SGCZ: variants seen among roughly 807,000 people sequenced by gnomAD.
SGCZ encodes the protein zeta-sarcoglycan.
Under a neutral mutation model 41.3 loss-of-function variants are expected in SGCZ, and 40 were observed. The ratio of observed to expected loss-of-function variants is 0.97; its 90% CI spans 0.75 to 1.26. SGCZ has a LOEUF of 1.26. SGCZ is among the 50% of genes most tolerant of loss of function. The probability of loss-of-function intolerance (pLI) is 0.00; values close to 1 mark genes in which losing one functional copy is unlikely to be tolerated. For missense variants in SGCZ, 552 were observed against 369.8 expected, an observed-to-expected ratio of 1.49 and a Z score of -4.04; for synonymous variants, 206 against 137.5, an observed-to-expected ratio of 1.50 and a Z score of -3.49.
At chr8:14,121,379 A>T (rs927955241) in intron 5 of SGCZ, among the ~76,000 whole-genome samples, 2 of 152,138 alleles carry the variant, frequency 1.3e-5, no homozygotes, top group Non-Finnish European at 2.9e-5. Context: ...AAGGGTGTTT[A>T]AAAAGTGACT....
intron 1 of SGCZ, among the ~76,000 whole-genome samples, chr8:15,074,413 T>C (rs1390339010): frequency 6.6e-6 from 1 of 152,166 alleles, no homozygotes; most frequent in African/African-American, 2.4e-5. Context: ...AACAGACTTT[T>C]ACAATGGGCT....
intron 2 of SGCZ, among the ~76,000 whole-genome samples, chr8:14,436,375 AT>A (rs1349501294): frequency 3.3e-5 from 5 of 152,148 alleles, no homozygotes; most frequent in Non-Finnish European, 5.9e-5. Context: ...CATGAACTTT[AT>A]TTTTTTCTGA....
At chr8:14,729,917 T>C (rs528480734) in intron 1 of SGCZ, among the ~76,000 whole-genome samples, 2 of 152,210 alleles carry the variant, frequency 1.3e-5, no homozygotes, top group South Asian at 4.1e-4. Flanking sequence ...AAACCCCATC[T>C]CTACTAAAAA....
intron 2 of SGCZ, among the ~76,000 whole-genome samples, chr8:14,349,682 C>T (rs1206796266): frequency 1.3e-5 from 2 of 152,098 alleles, no homozygotes; most frequent in African/African-American, 4.8e-5. Flanking sequence ...AAAACAAGCC[C>T]ACAGGACTCT....
intron 1 of SGCZ, among the ~76,000 whole-genome samples, chr8:14,892,941 A>G (rs933186425): frequency 2.6e-5 from 4 of 152,182 alleles, no homozygotes; most frequent in African/African-American, 9.7e-5. Context: ...AACAAAAACT[A>G]CTAAAACAAG....
intron 1 of SGCZ, among the ~76,000 whole-genome samples, chr8:14,937,524 A>G (rs1800123962): frequency 1.3e-5 from 2 of 152,114 alleles, no homozygotes; most frequent in South Asian, 4.1e-4. Flanking sequence ...TTATCAAGTT[A>G]TCTCTTTGTT....
intron 2 of SGCZ, among the ~76,000 whole-genome samples, chr8:14,453,060 A>G (rs1256984761): frequency 6.6e-6 from 1 of 152,054 alleles, no homozygotes; most frequent in African/African-American, 2.4e-5. Context: ...CCGAGATGAG[A>G]TGGTACCACT....
intron 1 of SGCZ, among the ~76,000 whole-genome samples, chr8:14,828,973 T>C (rs1802434096): frequency 6.6e-6 from 1 of 152,148 alleles, no homozygotes; most frequent in South Asian, 2.1e-4. Flanking sequence ...GTTTGTTTTC[T>C]AATCTTAAAA....
At chr8:14,309,445 T>C in intron 3 of SGCZ, 7 of 1,606,562 alleles carry the variant, frequency 4.4e-6, no homozygotes, top group Non-Finnish European at 2.6e-6. Context: ...GACAATCTTC[T>C]GATGACTGCA....
intron 1 of SGCZ, among the ~76,000 whole-genome samples, chr8:14,574,595 C>T (rs1804653622): frequency 6.6e-6 from 1 of 152,184 alleles, no homozygotes; most frequent in Non-Finnish European, 1.5e-5. Flanking sequence ...TCTCCAATCA[C>T]ATTTCTACAT....
intron 1 of SGCZ, among the ~76,000 whole-genome samples, chr8:14,920,057 T>A (rs1799546735): frequency 6.6e-6 from 1 of 152,214 alleles, no homozygotes; most frequent in South Asian, 2.1e-4. Flanking sequence ...AGGAAACTAA[T>A]GCCTGTAAAT....
intron 2 of SGCZ, among the ~76,000 whole-genome samples, chr8:14,421,731 G>A (rs941975114): frequency 6.6e-6 from 1 of 152,064 alleles, no homozygotes; most frequent in African/African-American, 2.4e-5. Context: ...CATCCCAAGC[G>A]CTATCTTGTC....
At chr8:14,879,144 G>C (rs978537656) in intron 1 of SGCZ, 2 of 152,102 alleles carry the variant, frequency 1.3e-5, no homozygotes, top group Admixed American at 6.6e-5. Context: ...GAGTAACACA[G>C]TGAGACCCCC....
intron 1 of SGCZ, among the ~76,000 whole-genome samples, chr8:14,635,956 T>G (rs1806814216): frequency 6.6e-6 from 1 of 151,962 alleles, no homozygotes; most frequent in African/African-American, 2.4e-5. Context: ...AGGTGCTGTG[T>G]TGGCACAATT....
chr8:14,976,711 C>A (rs1239876321), intron 1 of SGCZ, among the ~76,000 whole-genome samples: 4 of 152,090 alleles, frequency 2.6e-5, no homozygotes, highest in African/African-American at 9.7e-5. Flanking sequence ...TATGACAAAG[C>A]AAGATGAAAA....
At chr8:14,485,645 C>G (rs985731437) in intron 2 of SGCZ, among the ~76,000 whole-genome samples, 2 of 152,002 alleles carry the variant, frequency 1.3e-5, no homozygotes, top group African/African-American at 4.8e-5. Context: ...ATGAGACATG[C>G]GTGAGGACAG....
At chr8:14,332,098 T>C (rs1308433985) in intron 2 of SGCZ, among the ~76,000 whole-genome samples, 2 of 152,022 alleles carry the variant, frequency 1.3e-5, no homozygotes, top group South Asian at 2.1e-4. Flanking sequence ...TCAAAGAACA[T>C]ATATAATTGC....
intron 1 of SGCZ, among the ~76,000 whole-genome samples, chr8:15,189,696 G>C (rs368610746): frequency 2.6e-5 from 4 of 151,808 alleles, no homozygotes; most frequent in African/African-American, 9.7e-5. Context: ...TTACAGGTGC[G>C]TGCTAGCATG....
intron 1 of SGCZ, among the ~76,000 whole-genome samples, chr8:14,693,711 C>G (rs1245253379): frequency 6.6e-6 from 1 of 151,544 alleles, no homozygotes; most frequent in African/African-American, 2.4e-5. Flanking sequence ...CTCCCTCAGC[C>G]CCCCAAGTAG....
Sources: gnomAD v4.1 joint callset for allele counts (sites outside exome capture counted in the v4.1 genomes callset) on GRCh38, gnomAD v4.1.1 for gene constraint, MANE v1.5 for transcripts, NCBI Gene and HGNC (gene_info 2026-07-23, HGNC 2026-07-21) for gene names.